INTS4: variants seen among roughly 807,000 people sequenced by gnomAD.
The protein encoded by INTS4 is integrator complex subunit 4, also known as MSTP093.
INTS4 carries 70 observed loss-of-function variants against 119.5 expected under a neutral mutation model. That is an observed-to-expected ratio of 0.59 (90% CI 0.48 to 0.71). The LOEUF is 0.71. Among genes scored for constraint, INTS4 ranks in the 30% least tolerant of loss-of-function variants. The pLI is 0.00. For synonymous variants in INTS4, 316 were observed against 419.6 expected, an observed-to-expected ratio of 0.75 and a Z score of 3.02; for missense variants, 867 against 1,173.2, an observed-to-expected ratio of 0.74 and a Z score of 3.81.
intron 21 of INTS4, among the ~76,000 whole-genome samples, chr11:77,888,352 G>T (rs1952110085): frequency 6.6e-6 from 1 of 152,180 alleles, no homozygotes; most frequent in Non-Finnish European, 1.5e-5. Flanking sequence ...AAATGGTGCT[G>T]GGAAAACTGG....
chr11:77,923,686 T>C (rs1364509068), intron 12 of INTS4, among the ~76,000 whole-genome samples: 4 of 152,084 alleles, frequency 2.6e-5, no homozygotes, highest in Non-Finnish European at 5.9e-5. Flanking sequence ...ATGTTAGCTA[T>C]TATAACTACA....
intron 18 of INTS4, among the ~76,000 whole-genome samples, chr11:77,898,226 C>T (rs1173515249): frequency 6.6e-6 from 1 of 152,056 alleles, no homozygotes; most frequent in Non-Finnish European, 1.5e-5. Context: ...TGCAGTGGTG[C>T]GATCTCGGCT....
At chr11:77,911,416 G>A (rs928553916) in intron 15 of INTS4, among the ~76,000 whole-genome samples, 3 of 152,166 alleles carry the variant, frequency 2.0e-5, no homozygotes, top group Non-Finnish European at 2.9e-5. Flanking sequence ...TACTTCAGAA[G>A]CATTTGTGTT....
intron 1 of INTS4, among the ~76,000 whole-genome samples, chr11:77,994,203 G>A (rs1856808212): frequency 6.6e-6 from 1 of 151,996 alleles, no homozygotes; most frequent in African/African-American, 2.4e-5. Context: ...GTGCGGGGAG[G>A]CTAGAAGGGG....
At chr11:77,950,447 GAA>G (rs776344691) in intron 8 of INTS4, among the ~76,000 whole-genome samples, 46 of 152,078 alleles carry the variant, frequency 3.0e-4, no homozygotes, top group Non-Finnish European at 5.6e-4. Flanking sequence ...GAGAGAATGG[GAA>G]GAGACTGGAC....
intron 1 of INTS4, 72 bp downstream of exon 1, chr11:77,994,518 G>A (rs761241935): frequency 3.6e-5 from 45 of 1,244,284 alleles, no homozygotes; most frequent in Non-Finnish European, 5.0e-5. Flanking sequence ...CTTCTGTTCC[G>A]GCAAAGTGCC....
intron 18 of INTS4, among the ~76,000 whole-genome samples, chr11:77,895,849 A>G (rs976120601): frequency 1.4e-4 from 22 of 152,230 alleles, no homozygotes; most frequent in African/African-American, 5.1e-4. Flanking sequence ...GGCCATATAC[A>G]TGAAGTAGGC....
At chr11:77,986,601 C>T (rs1391649841) in intron 2 of INTS4, among the ~76,000 whole-genome samples, 4 of 152,080 alleles carry the variant, frequency 2.6e-5, no homozygotes, top group Admixed American at 6.6e-5. Flanking sequence ...TGTCCACCAA[C>T]GATAGACTGG....
chr11:77,876,733 T>A (rs1213739311), downstream of INTS4, among the ~76,000 whole-genome samples: 2 of 149,912 alleles, frequency 1.3e-5, no homozygotes, highest in African/African-American at 4.8e-5. Context: ...TTTTGCATTT[T>A]TAAGACAGGA....
At chr11:77,897,555 C>T (rs373512286) in intron 18 of INTS4, among the ~76,000 whole-genome samples, 1 of 151,340 alleles carries the variant, frequency 6.6e-6, no homozygotes, top group East Asian at 1.9e-4. Context: ...GGCTGGAGTG[C>T]AGTGGTGGGA....
intron 12 of INTS4, among the ~76,000 whole-genome samples, chr11:77,923,630 T>C (rs750680628): frequency 5.9e-5 from 9 of 152,122 alleles, no homozygotes; most frequent in Non-Finnish European, 1.2e-4. Flanking sequence ...ATTAAATAAC[T>C]AACATAAAGT....
intron 2 of INTS4, among the ~76,000 whole-genome samples, chr11:77,990,282 G>A (rs1316348309): frequency 3.3e-5 from 5 of 151,042 alleles, no homozygotes; most frequent in African/African-American, 4.9e-5. Context: ...TCCCACCTAC[G>A]TGGAAGGCTG....
intron 15 of INTS4, among the ~76,000 whole-genome samples, chr11:77,909,122 G>A (rs1953031418): frequency 6.6e-6 from 1 of 152,228 alleles, no homozygotes; most frequent in South Asian, 2.1e-4. Context: ...GATGTTTATA[G>A]CCCTGATTGC....
chr11:77,963,467 C>A (rs1337879692), intron 4 of INTS4: 4 of 425,516 alleles, frequency 9.4e-6, no homozygotes, highest in Non-Finnish European at 1.8e-5. Flanking sequence ...GGGTGTTACA[C>A]ATTTTGTCAG....
chr11:77,967,635 C>T (rs1347582715), intron 4 of INTS4, among the ~76,000 whole-genome samples: 1 of 152,088 alleles, frequency 6.6e-6, no homozygotes, highest in Non-Finnish European at 1.5e-5. Context: ...ACAAGTCAAA[C>T]GTCATCTGTG....
At chr11:77,956,654 C>A (rs1468340891) in intron 7 of INTS4, among the ~76,000 whole-genome samples, 15 of 151,146 alleles carry the variant, frequency 9.9e-5, no homozygotes, top group African/African-American at 3.6e-4. Context: ...TTGCAGTGAT[C>A]CAAGATAGTG....
Position 77,883,813 on chromosome 11 carries a change from C to G in INTS4, c.2713+19G>C. ...TCCAGCAGCATATTTCCCTTCCCAC[C>G]CTGGTCCTGACTCCTTACCTGTCCA... On this transcript the variant is annotated intron_variant, in intron 22 of 22. Coordinates refer to ENST00000534064, the MANE Select transcript of INTS4 (RefSeq NM_033547.4). The G allele has an allele frequency of 6.2e-7, 1 of 1,611,554 alleles. No individual in the cohort carries two copies.
intron 21 of INTS4, among the ~76,000 whole-genome samples, chr11:77,885,366 C>G (rs1391974489): frequency 6.6e-6 from 1 of 152,060 alleles, no homozygotes; most frequent in Admixed American, 6.6e-5. Context: ...CGTGAGCCAC[C>G]ACACCTGGCC....
rs1856218857 is a variant in INTS4, at chr11:77,981,498, A to T, written c.325T>A (p.Cys109Ser). Residue 109 changes from cysteine (C) to serine (S), a missense_variant, in exon 3 of 23, where the codon TGC becomes AGC. Transcript: ENST00000534064. The part of the protein sequence containing the change: ...LSKTAGFSPD[C>S]IMDDAINILQ... ...ATGTTGATGGCATCATCCATAATGC[A>T]GTCTGGTGAAAATCCTGCTGTCTTT... 6.4e-7 allele frequency: 1 copy of T among 1,571,454 alleles called. No individual in the cohort carries two copies. Among genetic ancestry groups the T allele is most frequent in the Non-Finnish European group, 8.6e-7 (1 of 1,156,330 alleles).
Sources: gnomAD v4.1 joint callset for allele counts (sites outside exome capture counted in the v4.1 genomes callset) on GRCh38, gnomAD v4.1.1 for gene constraint, MANE v1.5 for transcripts, NCBI Gene and HGNC (gene_info 2026-07-23, HGNC 2026-07-21) for gene names.